MAPRE1: variants seen among roughly 807,000 people sequenced by gnomAD.
The protein encoded by MAPRE1 is microtubule-associated protein RP/EB family member 1.
Under a neutral mutation model 32.1 loss-of-function variants are expected in MAPRE1, and 5 were observed. That is an observed-to-expected ratio of 0.16 (90% CI 0.08 to 0.33). MAPRE1 has a LOEUF of 0.33. Among genes scored for constraint, MAPRE1 ranks in the 10% least tolerant of loss-of-function variants. MAPRE1 has a pLI of 1.00. For synonymous variants in MAPRE1, 122 were observed against 118.9 expected (o/e 1.03, Z -0.17); for missense variants, 209 against 327.2 (o/e 0.64, Z 2.79).
Position 32,825,815 on chromosome 20 carries a change from A to AAAATG in MAPRE1, c.-3-106_-3-105insGAAAT, listed in dbSNP as rs1555846006. ...AAAATAAAATAAAATAAAATAAAATAAAATTGAGTGTTCCTACAGGTTTGC... is the reference window on the plus strand; with the variant it reads ...AAAATAAAATAAAATAAAATAAAATAAAATGAAATTGAGTGTTCCTACAGGTTTGC... On this transcript the variant is annotated intron_variant, in intron 1 of 6. Coordinates refer to ENST00000375571, the MANE Select transcript of MAPRE1 (RefSeq NM_012325.3). The AAAATG allele has an allele frequency of 1.9e-5, 14 of 746,348 alleles. No individual in the cohort carries two copies. The African/African-American group carries it at 2.5e-4, about 13-fold the overall frequency. 46.2% of individuals were successfully genotyped at this position (746,348 alleles called of 1,614,324 possible).
intron 2 of MAPRE1, among the ~76,000 whole-genome samples, chr20:32,832,014 C>T (rs1047060969): frequency 1.3e-5 from 2 of 151,116 alleles, no homozygotes; most frequent in African/African-American, 2.4e-5. Context: ...ATAAATCAGT[C>T]ACCTCAGAAA....
chr20:32,824,469 T>C (rs184235779), intron 1 of MAPRE1, among the ~76,000 whole-genome samples: 107 of 152,312 alleles, frequency 7.0e-4, no homozygotes, highest in African/African-American at 2.5e-3. Context: ...ATGAGGGACA[T>C]GAAGTGAACC....
chr20:32,847,043 A>G (rs1174965019), intron 6 of MAPRE1, among the ~76,000 whole-genome samples: 1 of 152,218 alleles, frequency 6.6e-6, no homozygotes. Flanking sequence ...AACTGCTCTT[A>G]GCCAGAAGCA....
At chr20:32,825,521 G>A (rs778002994) in intron 1 of MAPRE1, among the ~76,000 whole-genome samples, 3 of 152,132 alleles carry the variant, frequency 2.0e-5, no homozygotes, top group Non-Finnish European at 4.4e-5. Flanking sequence ...TAGGCTGGGC[G>A]CAGTGGCTCA....
chr20:32,835,364 G>GTTTTTTTTTTTTTTTTTTTTTTTTT lies in MAPRE1; in HGVS notation c.268-1254_268-1253insTTTTTTTTTTTTTTTTTTTTTTTTT, dbSNP rs71190879. Among the ~76,000 whole-genome samples, 7 of 106,628 alleles carry GTTTTTTTTTTTTTTTTTTTTTTTTT rather than the reference G, an allele frequency of 6.6e-5. 2 individuals are homozygous for GTTTTTTTTTTTTTTTTTTTTTTTTT. The highest frequency in any genetic ancestry group is 3.1e-4 in the East Asian group (1 of 3,212). The allele number at this position is 106,628 out of a possible 152,430, so 70.0% of individuals were successfully genotyped here. A position where few individuals can be genotyped will look rare whatever the true frequency, so the allele number is the denominator to read the frequency against. On this transcript the variant is annotated intron_variant, in intron 3 of 6. Transcript: ENST00000375571. ...TTTTTGTGTGTGTGTTTTTATTGGTGTTTTTTTTTTTTTTTTGAGATGAGG... is the reference window on the plus strand; with the variant it reads ...TTTTTGTGTGTGTGTTTTTATTGGTGTTTTTTTTTTTTTTTTTTTTTTTTTTTTTTTTTTTTTTTTTGAGATGAGG...
chr20:32,839,189 C>T (rs560678731), intron 4 of MAPRE1, among the ~76,000 whole-genome samples: 1 of 152,276 alleles, frequency 6.6e-6, no homozygotes, highest in East Asian at 1.9e-4. Context: ...TCTTCCACTC[C>T]AAGGAGTCTG....
intron 4 of MAPRE1, 67 bp from the exon 5 acceptor site, chr20:32,839,668 C>T: frequency 6.3e-7 from 1 of 1,593,514 alleles, no homozygotes; most frequent in Admixed American, 1.7e-5. Context: ...TCCATGTTGT[C>T]TTGTGGATTT....
chr20:32,840,876 C>T (rs1368220196), intron 5 of MAPRE1, among the ~76,000 whole-genome samples: 11 of 152,114 alleles, frequency 7.2e-5, no homozygotes, highest in East Asian at 5.8e-4. Context: ...AGTGCAGTGG[C>T]GTGATCTCAG....
At chr20:32,833,975 T>G in intron 3 of MAPRE1, 113 bp downstream of exon 3, 1 of 1,077,438 alleles carries the variant, frequency 9.3e-7, no homozygotes, top group South Asian at 2.0e-5. Flanking sequence ...ATTTATCTAG[T>G]TAACTTTTCT....
intron 2 of MAPRE1, among the ~76,000 whole-genome samples, chr20:32,828,342 A>G (rs773009749): frequency 4.3e-4 from 65 of 152,352 alleles, no homozygotes; most frequent in Non-Finnish European, 7.5e-4. Context: ...TTTACCAGCA[A>G]TTCCCTCTAA....
rs756483685 is a variant in MAPRE1 at position 32,848,754 on chromosome 20, G to A, written c.*26G>A. 10 of 1,593,800 alleles carry A rather than the reference G, an allele frequency of 6.3e-6. No homozygotes were observed. The African/African-American group carries it at 6.7e-5, about 11-fold the overall frequency. On this transcript the variant is annotated 3_prime_UTR_variant, in exon 7 of 7. Transcript: ENST00000375571. ...CAGCCTGGACCAGCAGAGCAACATC[G>A]GAATTCTTCACTCCAAATCATGTGC...
In MAPRE1 at chr20:32,836,776, T is replaced by C; in HGVS notation, c.410T>C (p.Val137Ala). The C allele has an allele frequency of 6.2e-7, 1 of 1,613,970 alleles. No homozygotes were observed. The change falls in exon 4 of 7, where the codon GTG becomes GCG. Residue 137 changes from valine (V) to alanine (A), a missense_variant. Coordinates refer to ENST00000375571, the MANE Select transcript of MAPRE1 (RefSeq NM_012325.3). ...GCCAGACAAGGTCAAGAAACTGCAG[T>C]GGCTCCTTCCCTTGTTGCTCCAGCT... ...VAARQGQETA[V>A]APSLVAPALN...
chr20:32,828,180 C>T (rs1265033337), intron 2 of MAPRE1, among the ~76,000 whole-genome samples: 1 of 152,124 alleles, frequency 6.6e-6, no homozygotes, highest in African/African-American at 2.4e-5. Flanking sequence ...AGCCTTAGAT[C>T]TGTGCTGTGT....
chr20:32,848,060 T>A (rs1600337283), intron 6 of MAPRE1, among the ~76,000 whole-genome samples: 1 of 151,980 alleles, frequency 6.6e-6, no homozygotes, highest in South Asian at 2.1e-4. Context: ...TTTTTTTTTT[T>A]AGTGACGGGG....
chr20:32,826,834 AAG>A (rs1469330850), intron 2 of MAPRE1, among the ~76,000 whole-genome samples: 1 of 152,022 alleles, frequency 6.6e-6, no homozygotes, highest in Non-Finnish European at 1.5e-5. Flanking sequence ...TACTTAAATA[AAG>A]AGTGTGCTCT....
At chr20:32,821,308 G>A (rs573381497) in intron 1 of MAPRE1, among the ~76,000 whole-genome samples, 3 of 152,280 alleles carry the variant, frequency 2.0e-5, no homozygotes, top group Non-Finnish European at 4.4e-5. Context: ...GAGCCACCGC[G>A]CCTGGCAAGA....
intron 5 of MAPRE1, among the ~76,000 whole-genome samples, chr20:32,841,913 G>A (rs2030515764): frequency 6.6e-6 from 1 of 152,012 alleles, no homozygotes; most frequent in South Asian, 2.1e-4. Context: ...TGGGATAAAT[G>A]TCAGTGGATA....
intron 6 of MAPRE1, among the ~76,000 whole-genome samples, chr20:32,847,582 A>C (rs1280734408): frequency 6.6e-6 from 1 of 152,250 alleles, no homozygotes; most frequent in Non-Finnish European, 1.5e-5. Flanking sequence ...TAATCTGTTG[A>C]ATAAATCTTT....
chr20:32,835,917 T>TG (rs774633863), intron 3 of MAPRE1, among the ~76,000 whole-genome samples: 1 of 152,088 alleles, frequency 6.6e-6, no homozygotes, highest in South Asian at 2.1e-4. Context: ...AGAATTTTCT[T>TG]GAACACAGTT....
Sources: gnomAD v4.1 joint callset for allele counts (sites outside exome capture counted in the v4.1 genomes callset) on GRCh38, gnomAD v4.1.1 for gene constraint, MANE v1.5 for transcripts, NCBI Gene and HGNC (gene_info 2026-07-23, HGNC 2026-07-21) for gene names.